The following RABGAP1L variants were observed in gnomAD, a reference collection of about 807,000 sequenced individuals.
The protein encoded by RABGAP1L is RAB GTPase activating protein 1 like.
A neutral mutation model predicts 137.7 loss-of-function variants in RABGAP1L; 63 were observed. The observed-to-expected ratio is 0.46, with a 90% CI of 0.37 to 0.56. The LOEUF (loss-of-function observed/expected upper bound fraction) is 0.56. Among genes scored for constraint, RABGAP1L ranks in the 20% least tolerant of loss-of-function variants. The pLI is 0.00. For synonymous variants in RABGAP1L, 431 were observed against 433.7 expected, an observed-to-expected ratio of 0.99 and a Z score of 0.08; for missense variants, 1,095 against 1,244.0, an observed-to-expected ratio of 0.88 and a Z score of 1.80.
intron 13 of RABGAP1L, among the ~76,000 whole-genome samples, chr1:174,468,592 A>G (rs574563213): frequency 3.9e-5 from 6 of 152,340 alleles, no homozygotes; most frequent in East Asian, 3.8e-4. Flanking sequence ...TTTGTGTAGT[A>G]TGAAACAGTG....
intron 14 of RABGAP1L, among the ~76,000 whole-genome samples, chr1:174,682,303 T>C (rs1410504126): frequency 8.3e-6 from 1 of 121,008 alleles, no homozygotes; most frequent in African/African-American, 4.9e-5. Context: ...TCTCTATACA[T>C]ACATATATAT....
chr1:174,914,631 A>G (rs568161187), intron 19 of RABGAP1L, among the ~76,000 whole-genome samples: 69 of 152,324 alleles, frequency 4.5e-4, no homozygotes, highest in African/African-American at 1.5e-3. Flanking sequence ...TACTGTCTGC[A>G]GAAAGATTCT....
intron 13 of RABGAP1L, among the ~76,000 whole-genome samples, chr1:174,513,582 C>G (rs1404417849): frequency 6.6e-6 from 1 of 152,164 alleles, no homozygotes; most frequent in Non-Finnish European, 1.5e-5. Context: ...CACTGCACTA[C>G]AGCCTAGGCA....
chr1:174,286,120 C>T (rs1436319176), intron 10 of RABGAP1L, among the ~76,000 whole-genome samples: 2 of 152,094 alleles, frequency 1.3e-5, no homozygotes, highest in African/African-American at 4.8e-5. Context: ...TCCTCCTCCT[C>T]AATTTTTTTT....
intron 19 of RABGAP1L, among the ~76,000 whole-genome samples, chr1:174,860,818 TTATTTA>T (rs1212199121): frequency 6.6e-6 from 1 of 152,206 alleles, no homozygotes; most frequent in African/African-American, 2.4e-5. Flanking sequence ...CAAATAAAAA[TTATTTA>T]TATTTAAGGT....
chr1:174,466,793 C>G (rs774166341), intron 13 of RABGAP1L, among the ~76,000 whole-genome samples: 2 of 151,824 alleles, frequency 1.3e-5, no homozygotes, highest in Non-Finnish European at 2.9e-5. Flanking sequence ...TCCCCGCCCC[C>G]GAAAAAAGAG....
chr1:174,306,930 T>G (rs996694244), intron 11 of RABGAP1L, among the ~76,000 whole-genome samples: 1 of 152,212 alleles, frequency 6.6e-6, no homozygotes, highest in East Asian at 1.9e-4. Flanking sequence ...AAAAGCATCT[T>G]AGAATTCTCA....
intron 1 of RABGAP1L, among the ~76,000 whole-genome samples, chr1:174,175,733 C>T (rs1056996106): frequency 5.3e-5 from 8 of 150,216 alleles, no homozygotes; most frequent in Admixed American, 4.7e-4. Context: ...TCAAGCGATT[C>T]TCCTGCCTCA....
chr1:174,741,422 G>A (rs1683400817), intron 17 of RABGAP1L, among the ~76,000 whole-genome samples: 3 of 152,052 alleles, frequency 2.0e-5, no homozygotes, highest in Admixed American at 2.0e-4. Flanking sequence ...GAGTGCAGTG[G>A]CATGATCACT....
intron 19 of RABGAP1L, among the ~76,000 whole-genome samples, chr1:174,837,714 T>A (rs1692914616): frequency 6.6e-6 from 1 of 152,102 alleles, no homozygotes. Context: ...ACAAAAGGAG[T>A]TTATTCTTTT....
chr1:174,405,935 G>A (rs991391760), intron 13 of RABGAP1L, among the ~76,000 whole-genome samples: 4 of 151,756 alleles, frequency 2.6e-5, no homozygotes, highest in Admixed American at 1.3e-4. Flanking sequence ...CCAAGATCAC[G>A]CCACTGCACT....
intron 11 of RABGAP1L, among the ~76,000 whole-genome samples, chr1:174,356,574 ATT>A (rs888700355): frequency 6.6e-6 from 1 of 150,686 alleles, no homozygotes; most frequent in East Asian, 1.9e-4. Context: ...TAGAAACACA[ATT>A]TTTTTTTTCA....
intron 19 of RABGAP1L, among the ~76,000 whole-genome samples, chr1:174,899,498 T>G (rs778916498): frequency 2.6e-5 from 4 of 152,188 alleles, no homozygotes; most frequent in Non-Finnish European, 5.9e-5. Context: ...TTGATCTTCC[T>G]AGTTCTAAAT....
At chr1:174,702,088 C>T (rs2148524429) in intron 16 of RABGAP1L, 25 bp from the exon 17 acceptor site, 1 of 1,600,490 alleles carries the variant, frequency 6.2e-7, no homozygotes, top group African/African-American at 1.3e-5. Context: ...CTCATTGCTC[C>T]TAAATTTTCC....
intron 17 of RABGAP1L, among the ~76,000 whole-genome samples, chr1:174,728,653 G>C (rs144671227): frequency 6.9e-6 from 1 of 144,904 alleles, no homozygotes; most frequent in Non-Finnish European, 1.5e-5. Flanking sequence ...GCTGGAGTGC[G>C]GTGGTGTGAT....
At chr1:174,213,730 A>G (rs1326526181) in intron 1 of RABGAP1L, among the ~76,000 whole-genome samples, 2 of 152,252 alleles carry the variant, frequency 1.3e-5, no homozygotes, top group Non-Finnish European at 2.9e-5. Context: ...TGAAAACCAT[A>G]TGATGATTTC....
At chr1:174,315,590 A>AT (rs1485165107) in intron 11 of RABGAP1L, among the ~76,000 whole-genome samples, 2 of 120,510 alleles carry the variant, frequency 1.7e-5, no homozygotes, top group Admixed American at 1.6e-4. Flanking sequence ...AGTGAAGATG[A>AT]TTTTCTCTGT....
chr1:174,587,540 AAGAG>A (rs886239811), intron 13 of RABGAP1L, among the ~76,000 whole-genome samples: 3 of 152,146 alleles, frequency 2.0e-5, no homozygotes, highest in Non-Finnish European at 2.9e-5. Flanking sequence ...CAGTTAATCA[AAGAG>A]AGAGCAAGAA....
intron 19 of RABGAP1L, among the ~76,000 whole-genome samples, chr1:174,879,548 T>G (rs1287299636): frequency 6.6e-6 from 1 of 152,174 alleles, no homozygotes; most frequent in Non-Finnish European, 1.5e-5. Context: ...TATGATTTTT[T>G]TAAATGGTCA....
Sources: allele counts gnomAD v4.1 joint callset (sites outside exome capture counted in the v4.1 genomes callset), GRCh38; gene constraint gnomAD v4.1.1; transcripts MANE v1.5; gene names NCBI Gene and HGNC (gene_info 2026-07-23, HGNC 2026-07-21).